The following LRFN2 variants were observed in gnomAD, a reference collection of about 807,000 sequenced individuals.
LRFN2 encodes the protein leucine-rich repeat and fibronectin type-III domain-containing protein 2.
LRFN2 carries 18 observed loss-of-function variants against 37.3 expected under a neutral mutation model. The observed-to-expected ratio is 0.48, with a 90% CI of 0.33 to 0.72. The LOEUF (loss-of-function observed/expected upper bound fraction) is 0.72. Among genes scored for constraint, LRFN2 ranks in the 30% least tolerant of loss-of-function variants. The pLI, the probability that LRFN2 is intolerant of heterozygous loss-of-function variation, is 0.02. For missense variants in LRFN2, 1,006 were observed against 1,060.7 expected, an observed-to-expected ratio of 0.95 and a Z score of 0.72; for synonymous variants, 556 against 466.6, an observed-to-expected ratio of 1.19 and a Z score of -2.47.
intron 1 of LRFN2, among the ~76,000 whole-genome samples, chr6:40,548,440 C>CAAAAAAAAAAAAAAAAAAAAA (rs67639435): frequency 7.0e-6 from 1 of 142,650 alleles, no homozygotes; most frequent in African/African-American, 2.6e-5. Context: ...GACTCCATCT[C>CAAAAAAAAAAAAAAAAAAAAA]AAAAAAAAAA....
chr6:40,529,923 C>T (rs1400106225), intron 1 of LRFN2, among the ~76,000 whole-genome samples: 3 of 152,206 alleles, frequency 2.0e-5, no homozygotes, highest in South Asian at 2.1e-4. Context: ...TGTTTTTAAA[C>T]GTCCTCATTT....
intron 1 of LRFN2, among the ~76,000 whole-genome samples, chr6:40,509,128 C>G (rs1224416665): frequency 5.9e-5 from 9 of 152,222 alleles, no homozygotes. Flanking sequence ...CTGCCACTGA[C>G]AAAACAGGCT....
chr6:40,567,974 A>G (rs1767119217), intron 1 of LRFN2, among the ~76,000 whole-genome samples: 1 of 152,180 alleles, frequency 6.6e-6, no homozygotes, highest in South Asian at 2.1e-4. Flanking sequence ...GCCCAAACTA[A>G]TAGCTCTACC....
intron 1 of LRFN2, among the ~76,000 whole-genome samples, chr6:40,572,024 C>T (rs966906813): frequency 2.0e-5 from 3 of 152,216 alleles, no homozygotes; most frequent in Non-Finnish European, 2.9e-5. Flanking sequence ...AAGCAAAGAA[C>T]CAGGCCCTTC....
In LRFN2 at chr6:40,432,602, C is replaced by T. The variant is rs538273326; in HGVS notation, c.512G>A (p.Arg171His). 3 of 1,614,160 alleles carry T rather than the reference C, an allele frequency of 1.9e-6. No homozygotes were observed. The highest frequency in any genetic ancestry group is 2.2e-5 in the South Asian group (2 of 91,086). ...GCTCAGCTGGTGGAGGTTGACCATGCGTCGCACGGAGTCCCACGGCAGGCC... is the reference window on the plus strand; with the variant it reads ...GCTCAGCTGGTGGAGGTTGACCATGTGTCGCACGGAGTCCCACGGCAGGCC... ...LHGLPWDSVRRMVNLHQLSLD... is the reference protein window; with the variant it reads ...LHGLPWDSVRHMVNLHQLSLD... The change falls in exon 2 of 3, where the codon CGC becomes CAC. Residue 171 changes from arginine (R) to histidine (H), a missense_variant. This residue lies in a region of LRFN2 where 185 missense variants were observed against 254.9 expected (regional missense o/e 0.73). Coordinates refer to ENST00000338305, the MANE Select transcript of LRFN2 (RefSeq NM_020737.3).
At chr6:40,508,209 T>G (rs2113882849) in intron 1 of LRFN2, among the ~76,000 whole-genome samples, 1 of 152,326 alleles carries the variant, frequency 6.6e-6, no homozygotes, top group South Asian at 2.1e-4. Flanking sequence ...CTAGTACCAC[T>G]CTACAAATTT....
intron 1 of LRFN2, among the ~76,000 whole-genome samples, chr6:40,525,867 A>G (rs1288955581): frequency 6.6e-6 from 1 of 152,198 alleles, no homozygotes; most frequent in Non-Finnish European, 1.5e-5. Flanking sequence ...CACGTAAGAC[A>G]CAGTCTTCCC....
intron 1 of LRFN2, among the ~76,000 whole-genome samples, chr6:40,499,435 T>C (rs1765318966): frequency 6.6e-6 from 1 of 152,158 alleles, no homozygotes; most frequent in Non-Finnish European, 1.5e-5. Flanking sequence ...AAAAATGTGC[T>C]TTGGGCGGAA....
chr6:40,444,491 C>A (rs1333859794), intron 1 of LRFN2, among the ~76,000 whole-genome samples: 2 of 152,204 alleles, frequency 1.3e-5, no homozygotes, highest in East Asian at 3.9e-4. Flanking sequence ...ACACCAGGCT[C>A]CATTACCCTG....
chr6:40,422,597 A>G (rs1029202138), intron 2 of LRFN2, among the ~76,000 whole-genome samples: 12 of 152,162 alleles, frequency 7.9e-5, no homozygotes, highest in African/African-American at 2.9e-4. Context: ...ATGAGGCTGA[A>G]TAGAGCTGGG....
At chr6:40,489,527 GAC>G (rs1285576910) in intron 1 of LRFN2, among the ~76,000 whole-genome samples, 1 of 152,270 alleles carries the variant, frequency 6.6e-6, no homozygotes, top group Admixed American at 6.5e-5. Flanking sequence ...CAGCGTCTGG[GAC>G]ACACAGGGGA....
chr6:40,527,729 T>C (rs1007575794), intron 1 of LRFN2, among the ~76,000 whole-genome samples: 1 of 152,228 alleles, frequency 6.6e-6, no homozygotes, highest in Non-Finnish European at 1.5e-5. Context: ...TAAATTATTT[T>C]ACTCATTAAT....
chr6:40,501,999 A>G (rs547867954), intron 1 of LRFN2, among the ~76,000 whole-genome samples: 94 of 152,316 alleles, frequency 6.2e-4, no homozygotes, highest in African/African-American at 1.9e-3. Flanking sequence ...AGACCCAGAG[A>G]GGGTGTCATC....
intron 1 of LRFN2, among the ~76,000 whole-genome samples, chr6:40,545,574 C>CA (rs1766646143): frequency 6.6e-6 from 1 of 152,080 alleles, no homozygotes; most frequent in Non-Finnish European, 1.5e-5. Context: ...CAGAGACACA[C>CA]AGCCATGGCC....
chr6:40,492,781 A>C (rs1330434512), intron 1 of LRFN2, among the ~76,000 whole-genome samples: 1 of 152,036 alleles, frequency 6.6e-6, no homozygotes, highest in African/African-American at 2.4e-5. Flanking sequence ...CATAACCAGA[A>C]CCAGTTCCGA....
At chr6:40,569,889 G>A (rs1039584294) in intron 1 of LRFN2, among the ~76,000 whole-genome samples, 15 of 151,920 alleles carry the variant, frequency 9.9e-5, no homozygotes, top group African/African-American at 3.6e-4. Context: ...TCTCAGGTCC[G>A]GCCCTGACTT....
chr6:40,428,856 T>C (rs1763414193), intron 2 of LRFN2, among the ~76,000 whole-genome samples: 1 of 152,222 alleles, frequency 6.6e-6, no homozygotes, highest in Non-Finnish European at 1.5e-5. Context: ...GAAATTTGTC[T>C]TCTTAAAGAG....
At chr6:40,399,566 T>C (rs1330400762) in intron 2 of LRFN2, among the ~76,000 whole-genome samples, 1 of 150,774 alleles carries the variant, frequency 6.6e-6, no homozygotes, top group Non-Finnish European at 1.5e-5. Flanking sequence ...GCCTCCTGAG[T>C]AACTGGGCCT....
intron 1 of LRFN2, among the ~76,000 whole-genome samples, chr6:40,484,999 A>G (rs1306028638): frequency 1.3e-5 from 2 of 152,226 alleles, no homozygotes; most frequent in Non-Finnish European, 2.9e-5. Context: ...AGAGACCCCA[A>G]AAAAGGATTT....
Sources: gnomAD v4.1 joint callset for allele counts (sites outside exome capture counted in the v4.1 genomes callset) on GRCh38, gnomAD v4.1.1 for gene constraint, gnomAD v4.1.1 regional missense constraint, MANE v1.5 for transcripts, NCBI Gene and HGNC (gene_info 2026-07-23, HGNC 2026-07-21) for gene names.